Variants in KIAA1217 observed in about 807,000 individuals in gnomAD.
KIAA1217 encodes the protein KIAA1217.
In KIAA1217, 88 loss-of-function variants were observed where a neutral mutation model predicts 163.9. The ratio of observed to expected loss-of-function variants is 0.54; its 90% CI spans 0.45 to 0.64. The LOEUF is 0.64. KIAA1217 is among the 30% of genes least tolerant of loss of function. The probability of loss-of-function intolerance (pLI) is 0.00; values close to 1 mark genes in which losing one functional copy is unlikely to be tolerated. For synonymous variants in KIAA1217, 903 were observed against 923.1 expected (o/e 0.98, Z 0.39); for missense variants, 2,372 against 2,475.0 (o/e 0.96, Z 0.88).
At chr10:24,006,917 C>A (rs749860113) in intron 1 of KIAA1217, among the ~76,000 whole-genome samples, 1 of 152,102 alleles carries the variant, frequency 6.6e-6, no homozygotes, top group Non-Finnish European at 1.5e-5. Flanking sequence ...CATTTCCTTC[C>A]GCCCCCAACT....
intron 2 of KIAA1217, chr10:24,158,181 G>T: frequency 1.3e-6 from 1 of 744,198 alleles, no homozygotes; most frequent in South Asian, 1.4e-5. Flanking sequence ...AACATTTCAT[G>T]ATGCAGAGTC....
At chr10:24,037,932 T>C (rs1470698718) in intron 2 of KIAA1217, among the ~76,000 whole-genome samples, 1 of 152,248 alleles carries the variant, frequency 6.6e-6, no homozygotes, top group Non-Finnish European at 1.5e-5. Flanking sequence ...TTTCTTATTT[T>C]AATGTCACAC....
intron 1 of KIAA1217, among the ~76,000 whole-genome samples, chr10:23,846,812 C>T (rs139735835): frequency 0.049 from 7,387 of 151,982 alleles, 558 homozygotes; most frequent in African/African-American, 0.16. Context: ...TGTCTTGTGC[C>T]GGTTTTCAAA....
intron 1 of KIAA1217, among the ~76,000 whole-genome samples, chr10:23,850,973 C>T (rs548977033): frequency 2.0e-4 from 31 of 152,164 alleles, no homozygotes; most frequent in African/African-American, 6.3e-4. Flanking sequence ...GATCCAGTCA[C>T]CACCCACCAG....
intron 8 of KIAA1217, among the ~76,000 whole-genome samples, chr10:24,500,347 G>A (rs1013866712): frequency 4.7e-5 from 7 of 148,784 alleles, no homozygotes; most frequent in Admixed American, 6.7e-5. Context: ...GTGTGTGTGC[G>A]TGTCTTTATT....
intron 2 of KIAA1217, among the ~76,000 whole-genome samples, chr10:24,034,816 C>G (rs571654392): frequency 7.0e-4 from 107 of 152,310 alleles, no homozygotes; most frequent in Non-Finnish European, 1.4e-3. Context: ...ATCCTCCAGG[C>G]TGCTGCCTTC....
chr10:23,896,102 C>T (rs1245133379), intron 1 of KIAA1217, among the ~76,000 whole-genome samples: 1 of 151,718 alleles, frequency 6.6e-6, no homozygotes, highest in Non-Finnish European at 1.5e-5. Context: ...TGTAACTAAC[C>T]TGCACATTGT....
rs528831838 is a variant in KIAA1217, at chr10:24,480,204, C to T, written c.1679+6144C>T. 9.8e-5 allele frequency among the ~76,000 whole-genome samples: 15 copies of T among 152,288 alleles called. 1 individual carries two copies. The East Asian group carries it at 2.9e-3, about 29-fold the overall frequency. On this transcript the variant is annotated intron_variant, in intron 6 of 20. Coordinates refer to ENST00000376454, the MANE Select transcript of KIAA1217 (RefSeq NM_019590.5). ...AATGCCCCAGCTTAGAAACGTTGCT[C>T]TAAAGGAAATTTGAACTTTTTCTAC...
intron 5 of KIAA1217, among the ~76,000 whole-genome samples, chr10:24,441,765 T>C (rs2060515287): frequency 6.6e-6 from 1 of 152,196 alleles, no homozygotes; most frequent in Non-Finnish European, 1.5e-5. Context: ...GAGCTCACCA[T>C]ATGGAACAGG....
intron 2 of KIAA1217, chr10:24,158,318 C>A (rs1245307120): frequency 1.5e-6 from 1 of 688,076 alleles, no homozygotes; most frequent in Non-Finnish European, 2.8e-6. Flanking sequence ...CAAGGAGATT[C>A]TTTGACTTCA....
intron 2 of KIAA1217, among the ~76,000 whole-genome samples, chr10:24,295,242 T>A (rs1039521845): frequency 6.6e-6 from 1 of 152,126 alleles, no homozygotes; most frequent in Non-Finnish European, 1.5e-5. Context: ...AATCCAGGAG[T>A]GAGCATTCCA....
intron 14 of KIAA1217, among the ~76,000 whole-genome samples, chr10:24,529,986 T>TG (rs200721265): frequency 0.21 from 31,870 of 151,542 alleles, 3,411 homozygotes; most frequent in African/African-American, 0.27. Flanking sequence ...TTAGTAGAGA[T>TG]GGGTTTCACC....
intron 1 of KIAA1217, among the ~76,000 whole-genome samples, chr10:23,706,132 T>G (rs917389386): frequency 6.6e-6 from 1 of 152,152 alleles, no homozygotes; most frequent in African/African-American, 2.4e-5. Flanking sequence ...CTAAACAAAT[T>G]TATTTGTTTT....
chr10:23,834,900 A>G (rs1320160807), intron 1 of KIAA1217, among the ~76,000 whole-genome samples: 1 of 152,184 alleles, frequency 6.6e-6, no homozygotes, highest in East Asian at 1.9e-4. Flanking sequence ...TATTCATAAA[A>G]TAAATTTGAA....
At chr10:24,259,553 T>C (rs1020513262) in intron 2 of KIAA1217, among the ~76,000 whole-genome samples, 3 of 152,192 alleles carry the variant, frequency 2.0e-5, no homozygotes, top group Non-Finnish European at 4.4e-5. Flanking sequence ...TGGTTGCAGA[T>C]GCGATGAGCT....
intron 2 of KIAA1217, among the ~76,000 whole-genome samples, chr10:24,135,201 A>T (rs1267106742): frequency 6.6e-6 from 1 of 152,210 alleles, no homozygotes; most frequent in Non-Finnish European, 1.5e-5. Context: ...GAGAAGGAGG[A>T]TGGAGATTCC....
chr10:23,859,117 T>A (rs1321262007), intron 1 of KIAA1217, among the ~76,000 whole-genome samples: 1 of 152,232 alleles, frequency 6.6e-6, no homozygotes, highest in Non-Finnish European at 1.5e-5. Flanking sequence ...TGAACCCATA[T>A]ATGTATATGT....
At chr10:23,756,221 C>T (rs573630740) in intron 1 of KIAA1217, among the ~76,000 whole-genome samples, 31 of 151,994 alleles carry the variant, frequency 2.0e-4, no homozygotes, top group East Asian at 5.8e-4. Flanking sequence ...CTTCAGCCTT[C>T]CAAAATGCTG....
At chr10:24,111,599 C>A (rs1291327383) in intron 2 of KIAA1217, among the ~76,000 whole-genome samples, 2 of 152,124 alleles carry the variant, frequency 1.3e-5, no homozygotes, top group African/African-American at 2.4e-5. Flanking sequence ...ATAAGTGAAG[C>A]CACATTCATT....
Sources: allele counts gnomAD v4.1 joint callset (sites outside exome capture counted in the v4.1 genomes callset), GRCh38; gene constraint gnomAD v4.1.1; transcripts MANE v1.5; gene names NCBI Gene and HGNC (gene_info 2026-07-23, HGNC 2026-07-21).